WWOX: variants seen among roughly 807,000 people sequenced by gnomAD.
WWOX encodes the protein WW domain-containing oxidoreductase.
A neutral mutation model predicts 46.2 loss-of-function variants in WWOX; 69 were observed. The ratio of observed to expected loss-of-function variants is 1.49; its 90% CI spans 1.23 to 1.82. The LOEUF (loss-of-function observed/expected upper bound fraction) is 1.82. WWOX is among the 40% of genes most tolerant of loss of function. The probability of loss-of-function intolerance (pLI) is 0.00; values close to 1 mark genes in which losing one functional copy is unlikely to be tolerated. For missense variants in WWOX, 919 were observed against 542.6 expected (o/e 1.69, Z -6.89); for synonymous variants, 359 against 202.6 (o/e 1.77, Z -6.56).
At chr16:78,602,628 C>T (rs1017137496) in intron 8 of WWOX, among the ~76,000 whole-genome samples, 1 of 152,160 alleles carries the variant, frequency 6.6e-6, no homozygotes, top group African/African-American at 2.4e-5. Context: ...CTAAAGTAGC[C>T]ATATCCTTCC....
intron 8 of WWOX, among the ~76,000 whole-genome samples, chr16:78,659,383 G>A (rs534413260): frequency 2.0e-5 from 3 of 152,146 alleles, no homozygotes; most frequent in South Asian, 2.1e-4. Context: ...AGGGTCATCT[G>A]GGAACTTGTT....
chr16:79,190,367 G>T (rs1054879272), intron 8 of WWOX, among the ~76,000 whole-genome samples: 1 of 152,122 alleles, frequency 6.6e-6, no homozygotes, highest in Non-Finnish European at 1.5e-5. Context: ...GAATTAGCGT[G>T]TAGCTATTAG....
chr16:78,932,893 C>T (rs2045655008), intron 8 of WWOX, among the ~76,000 whole-genome samples: 1 of 152,182 alleles, frequency 6.6e-6, no homozygotes, highest in African/African-American at 2.4e-5. Flanking sequence ...ATTTAAGTTC[C>T]ATAAAGTCAC....
intron 5 of WWOX, among the ~76,000 whole-genome samples, chr16:78,229,519 T>TAG (rs1248649569): frequency 1.3e-5 from 2 of 148,288 alleles, no homozygotes; most frequent in South Asian, 2.1e-4. Context: ...TATAGAGATA[T>TAG]ATATATATAT....
intron 5 of WWOX, among the ~76,000 whole-genome samples, chr16:78,333,783 T>C (rs1054696953): frequency 1.3e-5 from 2 of 152,226 alleles, no homozygotes; most frequent in Non-Finnish European, 1.5e-5. Flanking sequence ...TTTTGGCTTA[T>C]TTGGCGTTTT....
intron 5 of WWOX, among the ~76,000 whole-genome samples, chr16:78,303,251 CAAAGT>C (rs2080074303): frequency 6.6e-6 from 1 of 152,032 alleles, no homozygotes; most frequent in Non-Finnish European, 1.5e-5. Flanking sequence ...TTCTGATAGA[CAAAGT>C]AAAGTATAAA....
intron 8 of WWOX, among the ~76,000 whole-genome samples, chr16:78,611,343 A>C (rs545228917): frequency 1.3e-5 from 2 of 152,208 alleles, no homozygotes; most frequent in Non-Finnish European, 2.9e-5. Flanking sequence ...AAAAATAACA[A>C]AACTACAGGA....
intron 8 of WWOX, among the ~76,000 whole-genome samples, chr16:78,926,011 A>G (rs546780748): frequency 1.3e-5 from 2 of 152,282 alleles, no homozygotes; most frequent in South Asian, 4.1e-4. Context: ...GCTAAGTGTA[A>G]ATTGTAGAGT....
At chr16:79,045,388 C>T (rs997045401) in intron 8 of WWOX, among the ~76,000 whole-genome samples, 32 of 152,064 alleles carry the variant, frequency 2.1e-4, no homozygotes, top group African/African-American at 6.5e-4. Context: ...TGGAGTGTGG[C>T]CTGGCTCCCA....
chr16:78,732,095 C>T (rs1054721680), intron 8 of WWOX, among the ~76,000 whole-genome samples: 90 of 152,044 alleles, frequency 5.9e-4, no homozygotes, highest in African/African-American at 2.1e-3. Flanking sequence ...AACTCATGCC[C>T]TCAAATGATC....
intron 7 of WWOX, among the ~76,000 whole-genome samples, chr16:78,426,495 C>T (rs1025059703): frequency 6.6e-6 from 1 of 152,130 alleles, no homozygotes; most frequent in African/African-American, 2.4e-5. Flanking sequence ...ATCCAAATCT[C>T]AGCATCATTT....
chr16:78,689,759 C>G (rs976460482), intron 8 of WWOX, among the ~76,000 whole-genome samples: 2 of 152,194 alleles, frequency 1.3e-5, no homozygotes, highest in African/African-American at 4.8e-5. Flanking sequence ...TGAGCCCTAT[C>G]TCTCTCCCCT....
intron 8 of WWOX, among the ~76,000 whole-genome samples, chr16:79,086,665 G>A (rs77107990): frequency 0.061 from 9,299 of 152,246 alleles, 375 homozygotes; most frequent in Non-Finnish European, 0.088. Context: ...AAAATCACTA[G>A]AGTCCAGGAG....
Position 79,119,469 on chromosome 16 carries a change from A to G in WWOX, c.1057-92139A>G, listed in dbSNP as rs115026682. Among the ~76,000 whole-genome samples, 581 of 152,340 alleles carry G rather than the reference A, an allele frequency of 3.8e-3. 2 individuals are homozygous for G. The highest frequency in any genetic ancestry group is 0.013 in the African/African-American group (534 of 41,582). On this transcript the variant is annotated intron_variant, in intron 8 of 8. Coordinates refer to ENST00000566780, the MANE Select transcript of WWOX (RefSeq NM_016373.4). ...AAAATCGGAGTGCCATCCGCGCTCC[A>G]TGAGTCTGACACTTTGTAGGTGCTT...
chr16:78,115,756 G>A (rs2032750735), intron 4 of WWOX, among the ~76,000 whole-genome samples: 1 of 152,104 alleles, frequency 6.6e-6, no homozygotes, highest in Non-Finnish European at 1.5e-5. Flanking sequence ...GAGCAAGGCG[G>A]GAGCAAACCA....
intron 8 of WWOX, among the ~76,000 whole-genome samples, chr16:78,767,988 G>T (rs888181451): frequency 1.3e-5 from 2 of 152,060 alleles, no homozygotes; most frequent in Non-Finnish European, 2.9e-5. Flanking sequence ...TTTAGAAGTT[G>T]AGGTAAAAAG....
At chr16:78,890,895 A>T (rs998246575) in intron 8 of WWOX, 13 of 152,194 alleles carry the variant, frequency 8.5e-5, no homozygotes, top group African/African-American at 3.1e-4. Flanking sequence ...TGCACCACTT[A>T]ATAACTGAAT....
At chr16:78,874,091 A>G (rs1261909807) in intron 8 of WWOX, among the ~76,000 whole-genome samples, 1 of 144,358 alleles carries the variant, frequency 6.9e-6, no homozygotes, top group Non-Finnish European at 1.6e-5. Context: ...CTCTACTAAA[A>G]TTATTTAAAA....
Position 79,177,417 on chromosome 16 carries a change from G to A in WWOX, c.1057-34191G>A, listed in dbSNP as rs138363572. On this transcript the variant is annotated intron_variant, in intron 8 of 8. Transcript: ENST00000566780. ...GGTTTGGATATGCATTTATCCAAAA[G>A]GCAAGGCTTTTACACACTTCCGCTA... Among the ~76,000 whole-genome samples, 615 of 152,224 alleles carry A rather than the reference G, an allele frequency of 4.0e-3. 5 individuals are homozygous for A. Among genetic ancestry groups the A allele is most frequent in the Middle Eastern group, 0.031 (9 of 294 alleles).
Sources: gnomAD v4.1 joint callset for allele counts (sites outside exome capture counted in the v4.1 genomes callset) on GRCh38, gnomAD v4.1.1 for gene constraint, MANE v1.5 for transcripts, NCBI Gene and HGNC (gene_info 2026-07-23, HGNC 2026-07-21) for gene names.